FAM234B: variants seen among roughly 807,000 people sequenced by gnomAD.
The protein encoded by FAM234B is protein FAM234B.
FAM234B carries 33 observed loss-of-function variants against 69.3 expected under a neutral mutation model. That is an observed-to-expected ratio of 0.48 (90% CI 0.36 to 0.64). FAM234B has a LOEUF of 0.64. Among genes scored for constraint, FAM234B ranks in the 30% least tolerant of loss-of-function variants. The pLI is 0.00. For missense variants in FAM234B, 697 were observed against 769.7 expected (o/e 0.91, Z 1.12); for synonymous variants, 306 against 306.9 (o/e 1.00, Z 0.03).
chr12:13,080,062 C>A (rs993687454), intron 12 of FAM234B, 53 bp downstream of exon 12: 8 of 1,306,222 alleles, frequency 6.1e-6, no homozygotes, highest in African/African-American at 4.5e-5. Context: ...CAAATACTAC[C>A]AATTCCAGCT....
intron 5 of FAM234B, 39 bp downstream of exon 5, chr12:13,063,014 A>G (rs1166840344): frequency 6.2e-7 from 1 of 1,604,690 alleles, no homozygotes; most frequent in Admixed American, 1.7e-5. Flanking sequence ...TCTTATAGGG[A>G]CTGCTTCTAT....
chr12:13,071,133 TTGA>T, intron 9 of FAM234B, 105 bp from the exon 10 acceptor site: 2 of 1,198,240 alleles, frequency 1.7e-6, no homozygotes, highest in Middle Eastern at 2.3e-4. Flanking sequence ...GCGCAGCGTG[TTGA>T]TATTTGTGTT....
At chr12:13,059,349 C>T (rs1312065019) in intron 3 of FAM234B, among the ~76,000 whole-genome samples, 1 of 152,190 alleles carries the variant, frequency 6.6e-6, no homozygotes, top group East Asian at 1.9e-4. Context: ...TGCACTATCA[C>T]TTGTGGTGTT....
chr12:13,060,948 A>G (rs972581050), intron 3 of FAM234B, among the ~76,000 whole-genome samples: 1 of 152,210 alleles, frequency 6.6e-6, no homozygotes, highest in African/African-American at 2.4e-5. Flanking sequence ...GACCAAATCA[A>G]TTGATTCCAG....
chr12:13,069,855 T>A (rs1331795948), intron 9 of FAM234B, among the ~76,000 whole-genome samples: 1 of 152,016 alleles, frequency 6.6e-6, no homozygotes, highest in Non-Finnish European at 1.5e-5. Flanking sequence ...AAACATCATG[T>A]TAGGGAGAGA....
At chr12:13,057,795 G>T (rs1265738914) in intron 2 of FAM234B, among the ~76,000 whole-genome samples, 5 of 152,172 alleles carry the variant, frequency 3.3e-5, no homozygotes, top group Non-Finnish European at 5.9e-5. Context: ...GGGCTGCCTT[G>T]TTGATGCTAG....
chr12:13,046,159 GC>G, intron 1 of FAM234B, among the ~76,000 whole-genome samples: 1 of 96,246 alleles, frequency 1.0e-5, no homozygotes, highest in Non-Finnish European at 1.9e-5. Context: ...TGCGTCTACG[GC>G]CATACCACCC....
intron 3 of FAM234B, among the ~76,000 whole-genome samples, chr12:13,059,136 G>T (rs112895075): frequency 2.6e-5 from 4 of 152,318 alleles, no homozygotes; most frequent in African/African-American, 9.6e-5. Context: ...TCAGGAATGG[G>T]AGGGGAGTAA....
chr12:13,059,694 G>C (rs1466219861), intron 3 of FAM234B, among the ~76,000 whole-genome samples: 1 of 152,154 alleles, frequency 6.6e-6, no homozygotes, highest in Non-Finnish European at 1.5e-5. Context: ...ACATTAGTAG[G>C]AGTGGCTTTC....
intron 1 of FAM234B, among the ~76,000 whole-genome samples, chr12:13,045,102 G>T (rs1182205464): frequency 2.0e-5 from 3 of 152,118 alleles, no homozygotes. Context: ...CATGGGAAAT[G>T]ATTTGGCACC....
In FAM234B at chr12:13,055,586, C is replaced by G. The variant is rs777870733; in HGVS notation, c.73C>G (p.Leu25Val). The change falls in exon 2 of 13, where the codon CTT becomes GTT. Residue 25 changes from leucine to valine, a missense_variant. This residue lies in a region of FAM234B where 380 missense variants were observed against 447.1 expected (regional missense o/e 0.85). Coordinates refer to ENST00000197268, the MANE Select transcript of FAM234B (RefSeq NM_020853.2). ...CCCAGACCTAGGGGAGTATGATCCACTTACCCAGGCTGACAGTGATGAGAG... is the reference window on the plus strand; with the variant it reads ...CCCAGACCTAGGGGAGTATGATCCAGTTACCCAGGCTGACAGTGATGAGAG... ...KSPDLGEYDP[L>V]TQADSDESED... The G allele has an allele frequency of 6.2e-7, 1 of 1,611,642 alleles. No homozygotes were observed. Among genetic ancestry groups the G allele is most frequent in the South Asian group, 1.1e-5 (1 of 91,048 alleles).
chr12:13,061,956 G>A (rs1864988777), intron 4 of FAM234B, among the ~76,000 whole-genome samples, 193 bp downstream of exon 4: 1 of 151,820 alleles, frequency 6.6e-6, no homozygotes, highest in Admixed American at 6.6e-5. Flanking sequence ...GGTTCAACCT[G>A]TTTGGTGATA....
intron 1 of FAM234B, among the ~76,000 whole-genome samples, chr12:13,046,936 A>G (rs1345420226): frequency 6.6e-6 from 1 of 152,250 alleles, no homozygotes; most frequent in Non-Finnish European, 1.5e-5. Flanking sequence ...TATGCCACAC[A>G]TTCTACTACA....
At chr12:13,046,474 T>G (rs961645875) in intron 1 of FAM234B, among the ~76,000 whole-genome samples, 1 of 152,178 alleles carries the variant, frequency 6.6e-6, no homozygotes, top group African/African-American at 2.4e-5. Context: ...TTGTTTGTTT[T>G]TTTGAGACGG....
intron 11 of FAM234B, among the ~76,000 whole-genome samples, chr12:13,078,543 G>A (rs1471584032): frequency 6.6e-6 from 1 of 152,198 alleles, no homozygotes; most frequent in African/African-American, 2.4e-5. Flanking sequence ...GGCTAGGGCA[G>A]TTAGGCAAGA....
At position 13,068,730 on chromosome 12, in the gene FAM234B, G is replaced by T; in HGVS notation, c.1368+19G>T. ...GAAAAAGGTAAAACTTTGGGCCTCA[G>T]ATCAATCAAAGCATATGTAAAGTAT... On this transcript the variant is annotated intron_variant, in intron 9 of 12. Coordinates refer to ENST00000197268, the MANE Select transcript of FAM234B (RefSeq NM_020853.2). 1 of 1,531,306 alleles carries T rather than the reference G, an allele frequency of 6.5e-7. No individual in the cohort carries two copies. Among genetic ancestry groups the T allele is most frequent in the Non-Finnish European group, 9.0e-7 (1 of 1,105,278 alleles). The allele number at this position is 1,531,306 out of a possible 1,614,324, so 94.9% of individuals were successfully genotyped here.
At chr12:13,061,997 GA>G (rs59242607) in intron 4 of FAM234B, among the ~76,000 whole-genome samples, 35,904 of 152,090 alleles carry the variant, frequency 0.24, 5,137 homozygotes, top group East Asian at 0.52. Flanking sequence ...TACCCAAACA[GA>G]AACTACCCTG....
At chr12:13,071,147 A>G (rs1480533007) in intron 9 of FAM234B, 94 bp from the exon 10 acceptor site, 3 of 1,337,808 alleles carry the variant, frequency 2.2e-6, no homozygotes, top group Non-Finnish European at 3.2e-6. Flanking sequence ...TATTTGTGTT[A>G]TTTGAATACC....
At position 13,067,344 on chromosome 12, in the gene FAM234B, C is replaced by A; in HGVS notation, c.1142+48C>A. The A allele has an allele frequency of 6.2e-7, 1 of 1,604,556 alleles. No homozygotes were observed. Among genetic ancestry groups the A allele is most frequent in the South Asian group, 1.1e-5 (1 of 90,620 alleles). On this transcript the variant is annotated intron_variant, in intron 7 of 12. Coordinates refer to ENST00000197268, the MANE Select transcript of FAM234B (RefSeq NM_020853.2). This position sits in a 1 kb window ranked among gnomAD's most constrained non-coding sequence, Gnocchi z 4.7. ...GTCACAGTGAGATCTCTTGTGAACT[C>A]ACATGCCTTTGAGTCTCTAAGTTTG...
Sources: allele counts gnomAD v4.1 joint callset (sites outside exome capture counted in the v4.1 genomes callset), GRCh38; gene constraint gnomAD v4.1.1; regional missense constraint gnomAD v4.1.1; non-coding constraint Gnocchi (gnomAD v3.1); transcripts MANE v1.5; gene names NCBI Gene and HGNC (gene_info 2026-07-23, HGNC 2026-07-21).